The following AP4E1 variants were observed in gnomAD, a reference collection of about 807,000 sequenced individuals.
AP4E1 encodes the protein AP-4 complex subunit epsilon-1.
In AP4E1, 56 loss-of-function variants were observed where a neutral mutation model predicts 128.2. That is an observed-to-expected ratio of 0.44 (90% CI 0.35 to 0.55). The LOEUF (loss-of-function observed/expected upper bound fraction) is 0.55, where lower values mean the gene tolerates loss of function less well. Ranked by LOEUF, AP4E1 falls within the 20% of genes least tolerant of loss-of-function variation. AP4E1 has a pLI of 0.00. For missense variants in AP4E1, 1,324 were observed against 1,307.7 expected (o/e 1.01, Z -0.19); for synonymous variants, 484 against 473.1 (o/e 1.02, Z -0.30).
intron 2 of AP4E1, among the ~76,000 whole-genome samples, chr15:50,912,429 G>GTTCCAAATGATC (rs770569573): frequency 1.1e-4 from 17 of 152,182 alleles, no homozygotes; most frequent in Non-Finnish European, 2.2e-4. Flanking sequence ...TGTTTTTAAT[G>GTTCCAAATGATC]TTATGCATTT....
rs191922377 is a variant in AP4E1, at chr15:50,967,580, A to G, written c.1852-683A>G. 5.3e-5 allele frequency among the ~76,000 whole-genome samples: 8 copies of G among 152,296 alleles called. No homozygotes were observed. In the East Asian group the frequency reaches 1.5e-3, roughly 29 times the overall value. On this transcript the variant is annotated intron_variant, in intron 14 of 20. Coordinates refer to ENST00000261842, the MANE Select transcript of AP4E1 (RefSeq NM_007347.5). ...AACCAATACAGTTACCATATCTTGTAGTATATATGTCTGTTTCTTCTGGTG... is the reference window on the plus strand; with the variant it reads ...AACCAATACAGTTACCATATCTTGTGGTATATATGTCTGTTTCTTCTGGTG...
At chr15:50,942,524 GAATT>G (rs2064001493) in intron 10 of AP4E1, among the ~76,000 whole-genome samples, 1 of 151,362 alleles carries the variant, frequency 6.6e-6, no homozygotes, top group South Asian at 2.1e-4. Flanking sequence ...AATATTGAAA[GAATT>G]AATGAAGATA....
In AP4E1 at chr15:50,930,857, A is replaced by G; in HGVS notation, c.755A>G (p.Lys252Arg). ...DLTGSFVTIL[K>R]QVVGGKLPVE... ...ACTGGGAGTTTTGTAACCATTTTGAAGCAAGTAGTTGGAGGAAAGCTCCCA... is the reference window on the plus strand; with the variant it reads ...ACTGGGAGTTTTGTAACCATTTTGAGGCAAGTAGTTGGAGGAAAGCTCCCA... The change falls in exon 7 of 21, where the codon AAG becomes AGG. Residue 252 changes from lysine (K) to arginine (R), a missense_variant. Transcript: ENST00000261842. 2 of 1,614,152 alleles carry G rather than the reference A, an allele frequency of 1.2e-6. No individual in the cohort carries two copies. Among genetic ancestry groups the G allele is most frequent in the Non-Finnish European group, 8.5e-7 (1 of 1,180,018 alleles).
intron 7 of AP4E1, 61 bp downstream of exon 7, chr15:50,931,032 T>C (rs772844392): frequency 6.9e-5 from 109 of 1,584,108 alleles, no homozygotes; most frequent in African/African-American, 1.1e-4. Context: ...GCTTAGACTT[T>C]AGTAACCTAG....
At chr15:50,957,062 C>T (rs1430318978) in intron 13 of AP4E1, among the ~76,000 whole-genome samples, 2 of 152,178 alleles carry the variant, frequency 1.3e-5, no homozygotes, top group Non-Finnish European at 2.9e-5. Flanking sequence ...GAGCATGTTA[C>T]AGTGCTCTTT....
At chr15:50,957,290 C>T (rs2064237631) in intron 13 of AP4E1, among the ~76,000 whole-genome samples, 3 of 152,082 alleles carry the variant, frequency 2.0e-5, no homozygotes, top group Admixed American at 2.0e-4. Context: ...TAATGTTCTC[C>T]AGAAGTCCAG....
At chr15:50,933,430 G>A (rs140214092) in intron 7 of AP4E1, among the ~76,000 whole-genome samples, 5 of 152,194 alleles carry the variant, frequency 3.3e-5, no homozygotes, top group African/African-American at 1.2e-4. Flanking sequence ...GTGTTTTGTA[G>A]TTTTGTGCTT....
intron 14 of AP4E1, among the ~76,000 whole-genome samples, chr15:50,964,957 A>C (rs796484395): frequency 1.5e-4 from 20 of 129,660 alleles, no homozygotes; most frequent in South Asian, 2.4e-4. Context: ...TCCCCCTACC[A>C]CACACACACA....
intron 7 of AP4E1, among the ~76,000 whole-genome samples, chr15:50,932,246 T>C (rs2063845104): frequency 6.6e-6 from 1 of 152,176 alleles, no homozygotes; most frequent in Non-Finnish European, 1.5e-5. Flanking sequence ...CCTAAAGTGC[T>C]GGGATGACAG....
intron 1 of AP4E1, 75 bp downstream of exon 1, chr15:50,909,003 C>T (rs1596447593): frequency 6.3e-7 from 1 of 1,588,560 alleles, no homozygotes; most frequent in Non-Finnish European, 8.5e-7. Context: ...GGCCGGGCGG[C>T]GAGACTTCAG....
In AP4E1 at chr15:51,003,103, G is replaced by A. The variant is rs1567270763; in HGVS notation, c.*441G>A. The A allele has an allele frequency of 9.9e-6, 2 of 202,528 alleles. No homozygotes were observed. Among genetic ancestry groups the A allele is most frequent in the South Asian group, 1.8e-4 (2 of 11,386 alleles). The allele number at this position is 202,528 out of a possible 1,614,324, so 12.5% of individuals were successfully genotyped here. Reference sequence around the variant, plus strand: ...TTCATATTTGGCTTTGGAATGTAGTGTATGGTTTTTGGTAGGGAAGTCAAT... The same window carrying A: ...TTCATATTTGGCTTTGGAATGTAGTATATGGTTTTTGGTAGGGAAGTCAAT... On this transcript the variant is annotated 3_prime_UTR_variant, in exon 21 of 21. Transcript: ENST00000261842.
At chr15:50,944,039 A>G (rs2140849387) in intron 10 of AP4E1, among the ~76,000 whole-genome samples, 1 of 152,332 alleles carries the variant, frequency 6.6e-6, no homozygotes, top group Non-Finnish European at 1.5e-5. Flanking sequence ...CTTAAAAATC[A>G]GAGTCAAAGG....
intron 17 of AP4E1, 40 bp from the exon 18 acceptor site, chr15:50,997,286 G>A (rs2064888856): frequency 1.3e-6 from 2 of 1,507,870 alleles, no homozygotes; most frequent in Non-Finnish European, 1.8e-6. Context: ...ATGACTAGTA[G>A]AATGATTTCT....
chr15:50,969,343 T>G (rs1267501915), intron 15 of AP4E1, among the ~76,000 whole-genome samples: 1 of 152,168 alleles, frequency 6.6e-6, no homozygotes, highest in Non-Finnish European at 1.5e-5. Context: ...ATCTCATTCT[T>G]TTTTATGGCT....
At chr15:50,933,714 A>G (rs1179168040) in intron 7 of AP4E1, among the ~76,000 whole-genome samples, 1 of 152,204 alleles carries the variant, frequency 6.6e-6, no homozygotes, top group Non-Finnish European at 1.5e-5. Context: ...CAGTCAAGAC[A>G]GAATGAAAGT....
At chr15:50,950,005 A>T (rs1179182502) in intron 12 of AP4E1, 46 bp from the exon 13 acceptor site, 21 of 1,589,590 alleles carry the variant, frequency 1.3e-5, no homozygotes, top group African/African-American at 4.0e-5. Flanking sequence ...ACAGAGTCCT[A>T]AGATAAGTTT....
chr15:50,920,367 C>T (rs2063685063), intron 3 of AP4E1, among the ~76,000 whole-genome samples: 1 of 151,486 alleles, frequency 6.6e-6, no homozygotes, highest in African/African-American at 2.4e-5. Context: ...CCCGCCTCAG[C>T]CTCCCAAAGT....
intron 11 of AP4E1, 52 bp from the exon 12 acceptor site, chr15:50,949,774 A>G: frequency 7.4e-7 from 1 of 1,354,876 alleles, no homozygotes; most frequent in African/African-American, 1.4e-5. Context: ...ACAGAAGGGT[A>G]ATTTTAATAA....
At chr15:50,928,076 G>C (rs1311101734) in intron 5 of AP4E1, among the ~76,000 whole-genome samples, 1 of 152,156 alleles carries the variant, frequency 6.6e-6, no homozygotes, top group Admixed American at 6.5e-5. Context: ...TGCAAAACTA[G>C]TATATACTTT....
Sources: allele counts gnomAD v4.1 joint callset (sites outside exome capture counted in the v4.1 genomes callset), GRCh38; gene constraint gnomAD v4.1.1; transcripts MANE v1.5; gene names NCBI Gene and HGNC (gene_info 2026-07-23, HGNC 2026-07-21).